VWDE: variants seen among roughly 807,000 people sequenced by gnomAD.
The protein encoded by VWDE is von Willebrand factor D and EGF domains, also known as von Willebrand factor D and EGF domain-containing protein.
A neutral mutation model predicts 178.4 loss-of-function variants in VWDE; 207 were observed. The observed-to-expected ratio is 1.16, with a 90% CI of 1.04 to 1.30. The LOEUF is 1.30. Ranked by LOEUF, VWDE falls within the 50% of genes most tolerant of loss-of-function variation. The probability of loss-of-function intolerance (pLI) is 0.00; values close to 1 mark genes in which losing one functional copy is unlikely to be tolerated. For synonymous variants in VWDE, 738 were observed against 651.4 expected (o/e 1.13, Z -2.02); for missense variants, 2,287 against 1,901.3 (o/e 1.20, Z -3.77).
chr7:12,396,841 A>G (rs1211385193), intron 1 of VWDE, among the ~76,000 whole-genome samples: 2 of 152,168 alleles, frequency 1.3e-5, no homozygotes, highest in Non-Finnish European at 2.9e-5. Context: ...AGGCTGAGGC[A>G]GGAGAATCAC....
chr7:12,349,838 T>C (rs186669564), intron 19 of VWDE, among the ~76,000 whole-genome samples: 119 of 152,054 alleles, frequency 7.8e-4, no homozygotes, highest in African/African-American at 2.5e-3. Context: ...AAAAGTAAAA[T>C]AGCTATACAT....
At chr7:12,377,158 T>C (rs1783574728) in intron 7 of VWDE, among the ~76,000 whole-genome samples, 1 of 152,138 alleles carries the variant, frequency 6.6e-6, no homozygotes, top group Non-Finnish European at 1.5e-5. Context: ...CTGCTATGCA[T>C]GGTTTGTCCT....
intron 2 of VWDE, among the ~76,000 whole-genome samples, chr7:12,390,944 T>C (rs1305974366): frequency 6.6e-6 from 1 of 152,158 alleles, no homozygotes; most frequent in Non-Finnish European, 1.5e-5. Flanking sequence ...CATTCGTCAA[T>C]TGCAGAATTA....
At chr7:12,334,891 A>T (rs1780929012) in intron 27 of VWDE, among the ~76,000 whole-genome samples, 1 of 152,154 alleles carries the variant, frequency 6.6e-6, no homozygotes, top group African/African-American at 2.4e-5. Context: ...ATTTTATCAC[A>T]TCTAAATTCC....
In VWDE at chr7:12,384,170, T is replaced by C. The variant is rs111242936; in HGVS notation, c.476-569A>G. Among the ~76,000 whole-genome samples, 161 of 152,212 alleles carry C rather than the reference T, an allele frequency of 1.1e-3. 2 individuals are homozygous for C. In the South Asian group the frequency reaches 0.012, roughly 12 times the overall value. ...AGACAGCATGGAATATTATTCAGCC[T>C]TAAAAAGAATTGAGCTATCAAGCCA... On this transcript the variant is annotated intron_variant, in intron 3 of 28. Coordinates refer to ENST00000275358, the MANE Select transcript of VWDE (RefSeq NM_001135924.3).
chr7:12,386,719 G>A (rs1355445396), intron 3 of VWDE, among the ~76,000 whole-genome samples: 2 of 152,106 alleles, frequency 1.3e-5, no homozygotes, highest in Non-Finnish European at 2.9e-5. Context: ...CGCTGGTGAC[G>A]CTTCATTATA....
intron 2 of VWDE, among the ~76,000 whole-genome samples, chr7:12,391,362 C>T (rs1784382621): frequency 6.6e-6 from 1 of 152,110 alleles, no homozygotes; most frequent in African/African-American, 2.4e-5. Flanking sequence ...TGGTTGAATA[C>T]TTTAAAGCCT....
intron 1 of VWDE, among the ~76,000 whole-genome samples, chr7:12,399,964 A>C (rs959201429): frequency 1.3e-5 from 2 of 152,198 alleles, no homozygotes; most frequent in African/African-American, 4.8e-5. Flanking sequence ...TAAACAACCG[A>C]AATAATCACT....
chr7:12,387,064 A>C (rs1341166419), intron 3 of VWDE, among the ~76,000 whole-genome samples: 1 of 152,190 alleles, frequency 6.6e-6, no homozygotes, highest in East Asian at 1.9e-4. Flanking sequence ...TTTTTTAAAG[A>C]TAGAACTACT....
chr7:12,331,242 A>C, intron 28 of VWDE, 45 bp from the exon 29 acceptor site: 1 of 1,501,540 alleles, frequency 6.7e-7, no homozygotes, highest in Non-Finnish European at 9.0e-7. Flanking sequence ...ATAGTATAAA[A>C]TCATTTAACC....
chr7:12,355,125 A>T (rs193262528), intron 18 of VWDE, among the ~76,000 whole-genome samples: 167 of 152,284 alleles, frequency 1.1e-3, no homozygotes, highest in Non-Finnish European at 1.8e-3. Context: ...CAATGATAAA[A>T]TTTTTGTTTT....
intron 19 of VWDE, among the ~76,000 whole-genome samples, chr7:12,347,893 A>G (rs1247782570): frequency 1.3e-5 from 2 of 152,150 alleles, no homozygotes; most frequent in Admixed American, 6.5e-5. Flanking sequence ...TCAATAGAAC[A>G]GAACAGAACC....
intron 1 of VWDE, among the ~76,000 whole-genome samples, chr7:12,395,405 G>GA (rs893254837): frequency 6.6e-6 from 1 of 151,968 alleles, no homozygotes; most frequent in Middle Eastern, 3.4e-3. Context: ...TTCGTCTTGG[G>GA]AAAAAAATCA....
intron 1 of VWDE, among the ~76,000 whole-genome samples, chr7:12,400,698 A>C (rs912450941): frequency 2.0e-5 from 3 of 152,122 alleles, no homozygotes; most frequent in African/African-American, 7.2e-5. Context: ...ACCTCATTGT[A>C]CGAGCCCGGT....
At chr7:12,375,839 A>G (rs1027265599) in intron 7 of VWDE, among the ~76,000 whole-genome samples, 3 of 152,092 alleles carry the variant, frequency 2.0e-5, no homozygotes, top group African/African-American at 7.2e-5. Flanking sequence ...TCGATAACAA[A>G]GAAAAAATAA....
intron 13 of VWDE, among the ~76,000 whole-genome samples, chr7:12,366,002 G>T (rs1311914128): frequency 6.6e-6 from 1 of 152,014 alleles, no homozygotes; most frequent in Non-Finnish European, 1.5e-5. Flanking sequence ...CTGCTCTCAT[G>T]ATAGTAAGGA....
At chr7:12,389,932 G>A (rs982290516) in intron 2 of VWDE, among the ~76,000 whole-genome samples, 25 of 152,212 alleles carry the variant, frequency 1.6e-4, no homozygotes, top group African/African-American at 4.6e-4. Context: ...GGAGGCTGAG[G>A]TGGGCGGATT....
At position 12,369,648 on chromosome 7, in the gene VWDE, T is replaced by C; in HGVS notation, c.2658A>G (p.Ser886=). 1 of 1,551,692 alleles carries C rather than the reference T, an allele frequency of 6.4e-7. No individual in the cohort carries two copies. The highest frequency in any genetic ancestry group is 8.7e-7 in the Non-Finnish European group (1 of 1,146,890). ...TGCATAAATTGGGGCATTTTAATACTGAGAGAATGTCTTCAATTGATGTGC... is the reference window on the plus strand; with the variant it reads ...TGCATAAATTGGGGCATTTTAATACCGAGAGAATGTCTTCAATTGATGTGC... ...EYGTSIEDIL[S]VLKCPNLCSG... The change falls in exon 12 of 29, where the codon TCA becomes TCG. Residue 886 remains serine, a synonymous_variant. Transcript: ENST00000275358.
intron 3 of VWDE, among the ~76,000 whole-genome samples, chr7:12,387,088 T>A (rs944442035): frequency 6.6e-5 from 10 of 152,178 alleles, no homozygotes; most frequent in African/African-American, 2.4e-4. Context: ...TTGCAGTTAA[T>A]GATAAAGTAA....
Sources: gnomAD v4.1 joint callset for allele counts (sites outside exome capture counted in the v4.1 genomes callset) on GRCh38, gnomAD v4.1.1 for gene constraint, MANE v1.5 for transcripts, NCBI Gene and HGNC (gene_info 2026-07-23, HGNC 2026-07-21) for gene names.